CHIA: variants seen among roughly 807,000 people sequenced by gnomAD.
CHIA encodes chitinase acidic.
In CHIA, 47 loss-of-function variants were observed where a neutral mutation model predicts 53.5. The ratio of observed to expected loss-of-function variants is 0.88; its 90% CI spans 0.70 to 1.12. The LOEUF is 1.12. Ranked by LOEUF, CHIA falls within the 50% of genes most tolerant of loss-of-function variation. CHIA has a pLI of 0.00. For synonymous variants in CHIA, 268 were observed against 222.2 expected (o/e 1.21, Z -1.83); for missense variants, 652 against 592.2 (o/e 1.10, Z -1.05).
At chr1:111,302,638 A>T (rs1557736512) in intron 1 of CHIA, among the ~76,000 whole-genome samples, 1 of 152,128 alleles carries the variant, frequency 6.6e-6, no homozygotes, top group Admixed American at 6.5e-5. Context: ...TATATTTTTA[A>T]ATCTGTTGAG....
chr1:111,320,078 C>T, intron 11 of CHIA, 135 bp from the exon 12 acceptor site: 3 of 699,578 alleles, frequency 4.3e-6, no homozygotes, highest in Non-Finnish European at 7.5e-6. Context: ...GCTACTTTCT[C>T]TTCTCAGTTG....
chr1:111,311,271 C>T (rs1648646015), intron 2 of CHIA, among the ~76,000 whole-genome samples: 1 of 152,174 alleles, frequency 6.6e-6, no homozygotes, highest in Admixed American at 6.5e-5. Flanking sequence ...TCCAAAAAAC[C>T]ACTAAAGGCC....
chr1:111,304,298 G>C (rs1417226174), intron 1 of CHIA, among the ~76,000 whole-genome samples: 1 of 152,052 alleles, frequency 6.6e-6, no homozygotes, highest in African/African-American at 2.4e-5. Context: ...GGAAGTGTTA[G>C]GCCATTATCT....
intron 8 of CHIA, 150 bp downstream of exon 8, chr1:111,318,259 C>T (rs900748725): frequency 4.5e-5 from 44 of 980,440 alleles, no homozygotes; most frequent in Non-Finnish European, 6.1e-5. Flanking sequence ...TTTAATTTCA[C>T]ACAGAGACTG....
At chr1:111,319,094 G>T in intron 9 of CHIA, 26 bp from the exon 10 acceptor site, 1 of 1,600,750 alleles carries the variant, frequency 6.2e-7, no homozygotes, top group Non-Finnish European at 8.5e-7. Context: ...ACATTTAATA[G>T]ATTTGAATCT....
intron 3 of CHIA, among the ~76,000 whole-genome samples, chr1:111,311,945 C>T (rs547056158): frequency 6.6e-6 from 1 of 152,210 alleles, no homozygotes; most frequent in South Asian, 2.1e-4. Flanking sequence ...TAGAAGGCTG[C>T]TAGCTAGGCT....
Position 111,317,719 on chromosome 1 carries a change from C to A in CHIA, c.519C>A (p.Ile173=), listed in dbSNP as rs552760467. The A allele has an allele frequency of 2.7e-5, 43 of 1,613,992 alleles. No homozygotes were observed. The East Asian group carries it at 9.6e-4, about 36-fold the overall frequency. Residue 173 remains isoleucine, a synonymous_variant, in exon 7 of 12, where the codon ATC becomes ATA. Coordinates refer to ENST00000369740, the MANE Select transcript of CHIA (RefSeq NM_201653.4). ...CTTTTGAGCAGGAGGCCAAGCAGAT[C>A]AACAAGCCCAGGCTGATGGTCACTG... ...REAFEQEAKQ[I]NKPRLMVTAA...
At position 111,319,119 on chromosome 1, in the gene CHIA, G is replaced by C. The variant is rs147847412; in HGVS notation, c.916-1G>C. On this transcript the variant is annotated splice_acceptor_variant, in intron 9 of 11. Transcript: ENST00000369740. LOFTEE classifies it high-confidence loss of function. ...GATTTGAATCTCTTGACTTTTGAAAGATCTGTACCTTCCTGAAAAATGGAG... is the reference window on the plus strand; with the variant it reads ...GATTTGAATCTCTTGACTTTTGAAACATCTGTACCTTCCTGAAAAATGGAG... 41 of 1,613,406 alleles carry C rather than the reference G, an allele frequency of 2.5e-5. No individual in the cohort carries two copies. In the African/African-American group the frequency reaches 4.9e-4, roughly 19 times the overall value.
chr1:111,307,356 A>C, intron 1 of CHIA, among the ~76,000 whole-genome samples: 1 of 152,234 alleles, frequency 6.6e-6, no homozygotes, highest in Admixed American at 6.5e-5. Flanking sequence ...AGAAGAATGC[A>C]TATGGTATTA....
chr1:111,318,609 T>C lies in CHIA; in HGVS notation c.846T>C (p.Gly282=), dbSNP rs1649374971. Residue 282 remains glycine (G), a synonymous_variant, in exon 9 of 12, where the codon GGT becomes GGC. Coordinates refer to ENST00000369740, the MANE Select transcript of CHIA (RefSeq NM_201653.4). ...ILSNPSNTGI[G]APTSGAGPAG... is the part of the protein sequence containing the mutation. ...GCAACCCCTCCAACACTGGAATTGG[T>C]GCCCCCACCTCTGGTGCTGGTCCTG... The C allele has an allele frequency of 6.2e-7, 1 of 1,614,190 alleles. No homozygotes were observed. The highest frequency in any genetic ancestry group is 1.1e-5 in the South Asian group (1 of 91,080).
chr1:111,310,425 A>G lies in CHIA; in HGVS notation c.-43A>G, dbSNP rs1323373325. 1 of 1,611,502 alleles carries G rather than the reference A, an allele frequency of 6.2e-7. No homozygotes were observed. Among genetic ancestry groups the G allele is most frequent in the Non-Finnish European group, 8.5e-7 (1 of 1,179,266 alleles). On this transcript the variant is annotated 5_prime_UTR_variant, in exon 2 of 12. Coordinates refer to ENST00000369740, the MANE Select transcript of CHIA (RefSeq NM_201653.4). ...AAGCCTTTGTGATAACCACAGAATC[A>G]GAACATATAAAAAGCTCTGCGGGAC...
chr1:111,312,229 C>T lies in CHIA; in HGVS notation c.95C>T (p.Ala32Val), dbSNP rs149356213. 1.2e-6 allele frequency: 2 copies of T among 1,613,990 alleles called. No individual in the cohort carries two copies. Among genetic ancestry groups the T allele is most frequent in the African/African-American group, 2.7e-5 (2 of 74,896 alleles). The change falls in exon 4 of 12, where the codon GCC becomes GTC. Residue 32 changes from alanine (A) to valine (V), a missense_variant. Ala to Val is a moderately conservative substitution (Grantham distance 64). Coordinates refer to ENST00000369740, the MANE Select transcript of CHIA (RefSeq NM_201653.4). ...CTGACATGCTACTTCACCAACTGGGCCCAGTACCGGCCAGGCCTGGGGCGC... is the reference window on the plus strand; with the variant it reads ...CTGACATGCTACTTCACCAACTGGGTCCAGTACCGGCCAGGCCTGGGGCGC... ...YQLTCYFTNW[A>V]QYRPGLGRFM...
intron 6 of CHIA, chr1:111,315,736 G>C (rs772226864): frequency 2.1e-6 from 1 of 479,610 alleles, no homozygotes; most frequent in Non-Finnish European, 4.1e-6. Flanking sequence ...TTTTACAGAT[G>C]AGGAAACTAA....
At chr1:111,295,983 T>A (rs4838901) in intron 1 of CHIA, among the ~76,000 whole-genome samples, 3 of 152,124 alleles carry the variant, frequency 2.0e-5, no homozygotes, top group Non-Finnish European at 2.9e-5. Context: ...GAGATTGACC[T>A]GTGAGGCAGC....
chr1:111,307,958 G>C lies in CHIA; in HGVS notation c.-68-2442G>C, dbSNP rs561508128. Among the ~76,000 whole-genome samples the C allele has an allele frequency of 5.3e-5, 8 of 152,222 alleles. No homozygotes were observed. The East Asian group carries it at 1.5e-3, about 29-fold the overall frequency. ...GGCTTGGCCATATTTTTCTTAAAATGTATACCTAAACTCATGTGTATGGTA... is the reference window on the plus strand; with the variant it reads ...GGCTTGGCCATATTTTTCTTAAAATCTATACCTAAACTCATGTGTATGGTA... On this transcript the variant is annotated intron_variant, in intron 1 of 11. Transcript: ENST00000369740.
intron 1 of CHIA, among the ~76,000 whole-genome samples, chr1:111,301,184 G>T (rs1019936021): frequency 2.0e-5 from 3 of 152,138 alleles, no homozygotes; most frequent in Admixed American, 2.0e-4. Context: ...ATTCCTCAAG[G>T]ATCTAGAACT....
At position 111,318,527 on chromosome 1, in the gene CHIA, C is replaced by T; in HGVS notation, c.764C>T (p.Ala255Val). The T allele has an allele frequency of 1.2e-6, 2 of 1,614,088 alleles. No homozygotes were observed. Among genetic ancestry groups the T allele is most frequent in the South Asian group, 2.2e-5 (2 of 91,054 alleles). ...YVMNYWKDNG[A>V]PAEKLIVGFP... ...ATGAACTACTGGAAGGACAATGGAGCACCAGCTGAGAAGCTCATCGTTGGA... is the reference window on the plus strand; with the variant it reads ...ATGAACTACTGGAAGGACAATGGAGTACCAGCTGAGAAGCTCATCGTTGGA... Residue 255 changes from alanine (A) to valine (V), a missense_variant, in exon 9 of 12, where the codon GCA (alanine) becomes GTA (valine). By Grantham distance (64) the Ala-to-Val change is moderately conservative. Transcript: ENST00000369740.
intron 8 of CHIA, 146 bp downstream of exon 8, chr1:111,318,255 T>A: frequency 1.0e-6 from 1 of 1,004,510 alleles, no homozygotes; most frequent in South Asian, 1.8e-5. Context: ...CTCATTTAAT[T>A]TCACACAGAG....
chr1:111,315,174 G>C lies in CHIA; in HGVS notation c.315-96G>C. The stretch of plus-strand genomic sequence containing the variant: ...TGCTTTACTCTGGGCTGTGGGTCCT[G>C]ATGAAGGGCTCTGAGGCAGGAATTG... On this transcript the variant is annotated intron_variant, in intron 5 of 11. Transcript: ENST00000369740. 3 of 876,832 alleles carry C rather than the reference G, an allele frequency of 3.4e-6. No individual in the cohort carries two copies. In the South Asian group the frequency reaches 4.6e-5, roughly 13 times the overall value. The allele number at this position is 876,832 out of a possible 1,614,324, so 54.3% of individuals were successfully genotyped here.
Sources: gnomAD v4.1 joint callset for allele counts (sites outside exome capture counted in the v4.1 genomes callset) on GRCh38, gnomAD v4.1.1 for gene constraint, MANE v1.5 for transcripts, NCBI Gene and HGNC (gene_info 2026-07-23, HGNC 2026-07-21) for gene names.